Variants in WDR7 observed in about 807,000 individuals in gnomAD.
WDR7 encodes WD repeat domain 7, also known as WD repeat-containing protein 7.
A neutral mutation model predicts 169.4 loss-of-function variants in WDR7; 46 were observed. That is an observed-to-expected ratio of 0.27 (90% CI 0.21 to 0.35). The LOEUF is 0.35. Ranked by LOEUF, WDR7 falls within the 10% of genes least tolerant of loss-of-function variation. The pLI is 1.00. For missense variants in WDR7, 1,534 were observed against 1,859.3 expected (o/e 0.83, Z 3.22); for synonymous variants, 612 against 666.8 (o/e 0.92, Z 1.27).
chr18:56,886,231 G>A (rs1475569771), intron 21 of WDR7, among the ~76,000 whole-genome samples: 1 of 152,132 alleles, frequency 6.6e-6, no homozygotes, highest in East Asian at 1.9e-4. Context: ...TGAGGCAAAA[G>A]CACCAGGTAA....
At chr18:56,864,807 A>T (rs1599111495) in intron 20 of WDR7, among the ~76,000 whole-genome samples, 1 of 151,884 alleles carries the variant, frequency 6.6e-6, no homozygotes. Flanking sequence ...CAAAGCCAAG[A>T]TTGCCTCCTG....
intron 19 of WDR7, among the ~76,000 whole-genome samples, chr18:56,787,498 A>G (rs1427187282): frequency 1.3e-5 from 2 of 152,226 alleles, no homozygotes; most frequent in Non-Finnish European, 1.5e-5. Flanking sequence ...TGTGTAACAC[A>G]TCGTGTTTAA....
At chr18:56,858,926 A>G (rs779998227) in intron 20 of WDR7, among the ~76,000 whole-genome samples, 24 of 152,130 alleles carry the variant, frequency 1.6e-4, no homozygotes, top group Non-Finnish European at 3.2e-4. Flanking sequence ...TATTTTTTAT[A>G]ATATATTAGA....
intron 21 of WDR7, among the ~76,000 whole-genome samples, chr18:56,922,916 A>G (rs533347214): frequency 3.2e-4 from 49 of 152,202 alleles, no homozygotes; most frequent in Non-Finnish European, 7.2e-4. Flanking sequence ...GAAAAGAGCC[A>G]TGTTTAATAG....
At chr18:56,901,852 G>C (rs1417648138) in intron 21 of WDR7, among the ~76,000 whole-genome samples, 17 of 152,004 alleles carry the variant, frequency 1.1e-4, no homozygotes, top group Admixed American at 1.1e-3. Context: ...ATCCATTTTA[G>C]CTGCGGTTGT....
intron 21 of WDR7, among the ~76,000 whole-genome samples, chr18:56,899,980 T>G (rs890167557): frequency 2.3e-4 from 35 of 151,590 alleles, no homozygotes; most frequent in African/African-American, 8.0e-4. Flanking sequence ...GCTCCAAACC[T>G]GTAGATTTTC....
At chr18:56,840,018 C>T (rs1452077150) in intron 20 of WDR7, among the ~76,000 whole-genome samples, 1 of 152,194 alleles carries the variant, frequency 6.6e-6, no homozygotes, top group Non-Finnish European at 1.5e-5. Context: ...GCCAAGATCG[C>T]GCCACTGCAC....
At chr18:56,765,236 A>T (rs2044043215) in intron 16 of WDR7, among the ~76,000 whole-genome samples, 1 of 151,986 alleles carries the variant, frequency 6.6e-6, no homozygotes. Context: ...TTTACATTTA[A>T]TGTGATTGTT....
Position 56,695,043 on chromosome 18 carries a change from C to T in WDR7, c.1202C>T (p.Pro401Leu). The change falls in exon 11 of 28, where the codon CCC (proline) becomes CTC (leucine). Residue 401 changes from proline (P) to leucine (L), a missense_variant. Coordinates refer to ENST00000254442, the MANE Select transcript of WDR7 (RefSeq NM_015285.3). The part of the protein sequence containing the change: ...AGIIDQLSVI[P>L]NSNEPLKVTA... ...ATTATAGATCAGCTGAGTGTGATTC[C>T]CAATAGTAATGAACCTCTTAAAGTA... 1 of 1,614,054 alleles carries T rather than the reference C, an allele frequency of 6.2e-7. No homozygotes were observed. The highest frequency in any genetic ancestry group is 2.2e-5 in the East Asian group (1 of 44,884).
At chr18:56,793,151 C>CT (rs141506648) in intron 19 of WDR7, among the ~76,000 whole-genome samples, 4,009 of 152,286 alleles carry the variant, frequency 0.026, 70 homozygotes, top group African/African-American at 0.051. Flanking sequence ...ATACTTCAGT[C>CT]TACTGCCATA....
intron 22 of WDR7, among the ~76,000 whole-genome samples, chr18:56,930,266 G>A (rs990691167): frequency 1.8e-4 from 28 of 152,152 alleles, no homozygotes; most frequent in Non-Finnish European, 7.4e-5. Flanking sequence ...CATAGAATGC[G>A]AGAAAAACAT....
chr18:56,701,686 GC>G (rs2025838217), intron 12 of WDR7, among the ~76,000 whole-genome samples: 1 of 151,996 alleles, frequency 6.6e-6, no homozygotes, highest in African/African-American at 2.4e-5. Flanking sequence ...TTTAAACTGG[GC>G]TATTAACTTT....
intron 26 of WDR7, among the ~76,000 whole-genome samples, chr18:56,983,570 C>CAGAGAGAG (rs574515963): frequency 1.6e-5 from 1 of 60,936 alleles, no homozygotes; most frequent in East Asian, 2.9e-4. Context: ...CACACACACA[C>CAGAGAGAG]AGAGAGAGAG....
At chr18:56,883,440 T>A (rs1408266667) in intron 21 of WDR7, among the ~76,000 whole-genome samples, 1 of 152,052 alleles carries the variant, frequency 6.6e-6, no homozygotes, top group Non-Finnish European at 1.5e-5. Flanking sequence ...AATAATTTTA[T>A]TTTTTAAATT....
chr18:56,842,032 T>C (rs998011249), intron 20 of WDR7, among the ~76,000 whole-genome samples: 1 of 152,230 alleles, frequency 6.6e-6, no homozygotes, highest in Non-Finnish European at 1.5e-5. Context: ...TCATACTCAA[T>C]GCTTTTCATT....
chr18:56,994,756 G>A (rs1344574347), intron 26 of WDR7, among the ~76,000 whole-genome samples: 1 of 152,150 alleles, frequency 6.6e-6, no homozygotes, highest in Non-Finnish European at 1.5e-5. Flanking sequence ...AAATCCCATT[G>A]CATGCTACTC....
At chr18:56,742,384 T>C (rs939228540) in intron 14 of WDR7, among the ~76,000 whole-genome samples, 7 of 152,180 alleles carry the variant, frequency 4.6e-5, no homozygotes, top group Admixed American at 3.3e-4. Context: ...AATATACATA[T>C]TTATGGCAAA....
chr18:57,010,091 C>G lies in WDR7; in HGVS notation c.4165-10654C>G, dbSNP rs917593643. The G allele has an allele frequency of 3.0e-6, 3 of 985,298 alleles. No individual in the cohort carries two copies. The African/African-American group carries it at 5.2e-5, about 17-fold the overall frequency. 61.0% of individuals were successfully genotyped at this position (985,298 alleles called of 1,614,324 possible). ...TAGAAAGGGTGGAGATAATCAAGAC[C>G]ATTCATGCTGCTGAGGAACTCCATG... On this transcript the variant is annotated intron_variant, in intron 26 of 27. Transcript: ENST00000254442.
intron 25 of WDR7, among the ~76,000 whole-genome samples, chr18:56,960,885 C>T (rs1016454083): frequency 3.9e-4 from 60 of 152,022 alleles, no homozygotes; most frequent in African/African-American, 1.4e-3. Flanking sequence ...CCTTCCTTCT[C>T]TCAAACCAAT....
Sources: allele counts gnomAD v4.1 joint callset (sites outside exome capture counted in the v4.1 genomes callset), GRCh38; gene constraint gnomAD v4.1.1; transcripts MANE v1.5; gene names NCBI Gene and HGNC (gene_info 2026-07-23, HGNC 2026-07-21).